Variants in ADAMTSL1 observed in about 807,000 individuals in gnomAD.
ADAMTSL1 encodes the protein ADAMTS like 1.
ADAMTSL1 carries 126 observed loss-of-function variants against 201.8 expected under a neutral mutation model. That is an observed-to-expected ratio of 0.62 (90% confidence interval 0.54 to 0.72). ADAMTSL1 has a LOEUF of 0.72. Ranked by LOEUF, ADAMTSL1 falls within the 30% of genes least tolerant of loss-of-function variation. ADAMTSL1 has a pLI of 0.00. For missense variants in ADAMTSL1, 2,679 were observed against 2,277.8 expected (o/e 1.18, Z -3.59); for synonymous variants, 1,121 against 903.4 (o/e 1.24, Z -4.32).
rs570599771 is a variant in ADAMTSL1, at chr9:18,729,919, C to G, written c.2006+8254C>G. On this transcript the variant is annotated intron_variant, in intron 15 of 28. Coordinates refer to ENST00000380548, the MANE Select transcript of ADAMTSL1 (RefSeq NM_001040272.6). ...ACCATGAGAATGGAAATATCACCAG[C>G]AGATAACTTTCTTCTGTGGATATGG... 2.7e-4 allele frequency among the ~76,000 whole-genome samples: 41 copies of G among 152,322 alleles called. 1 individual carries two copies. In the Middle Eastern group the frequency reaches 0.01, roughly 38 times the overall value.
intron 2 of ADAMTSL1, among the ~76,000 whole-genome samples, chr9:18,241,361 T>C (rs532668806): frequency 2.0e-5 from 3 of 152,278 alleles, no homozygotes; most frequent in African/African-American, 7.2e-5. Context: ...TTCTGGCTTC[T>C]CTTAATTTCA....
intron 15 of ADAMTSL1, among the ~76,000 whole-genome samples, chr9:18,742,798 T>C (rs1358805225): frequency 6.6e-6 from 1 of 152,164 alleles, no homozygotes; most frequent in African/African-American, 2.4e-5. Flanking sequence ...GTGAAGATGC[T>C]AATCAGTTAA....
chr9:18,040,416 G>T, intron 1 of ADAMTSL1, among the ~76,000 whole-genome samples: 1 of 152,136 alleles, frequency 6.6e-6, no homozygotes, highest in East Asian at 1.9e-4. Context: ...TGACTGGTTG[G>T]TTTTTCAACT....
At chr9:17,989,289 C>T (rs890445575) in intron 1 of ADAMTSL1, among the ~76,000 whole-genome samples, 3 of 151,004 alleles carry the variant, frequency 2.0e-5, no homozygotes, top group Admixed American at 2.0e-4. Flanking sequence ...GCAGATTGTA[C>T]TATATGTAAT....
At chr9:18,499,292 C>G (rs4607718) in intron 1 of ADAMTSL1, among the ~76,000 whole-genome samples, 14,899 of 152,266 alleles carry the variant, frequency 0.098, 1,103 homozygotes, top group East Asian at 0.37. Context: ...GAAAGTACAT[C>G]AAAAAGCTAA....
At chr9:18,870,047 A>G (rs1394677102) in intron 23 of ADAMTSL1, among the ~76,000 whole-genome samples, 2 of 151,880 alleles carry the variant, frequency 1.3e-5, no homozygotes, top group Non-Finnish European at 2.9e-5. Flanking sequence ...TAAATTTTTC[A>G]TTTCATTTTT....
chr9:18,323,833 C>A (rs1278460547), intron 2 of ADAMTSL1, among the ~76,000 whole-genome samples: 3 of 151,980 alleles, frequency 2.0e-5, no homozygotes, highest in Non-Finnish European at 4.4e-5. Context: ...ATCAAATAGG[C>A]CTAAATAAAT....
At chr9:18,595,351 G>T (rs1239436317) in intron 4 of ADAMTSL1, among the ~76,000 whole-genome samples, 2 of 152,212 alleles carry the variant, frequency 1.3e-5, no homozygotes, top group Admixed American at 1.3e-4. Context: ...TCACCCAGCA[G>T]GTCCCTGCAC....
At chr9:18,783,275 G>A (rs1461482042) in intron 19 of ADAMTSL1, among the ~76,000 whole-genome samples, 1 of 152,184 alleles carries the variant, frequency 6.6e-6, no homozygotes, top group African/African-American at 2.4e-5. Flanking sequence ...ACTCCAACTG[G>A]TAGAATACTT....
intron 1 of ADAMTSL1, among the ~76,000 whole-genome samples, chr9:18,138,678 C>A (rs11788086): frequency 6.6e-6 from 1 of 152,110 alleles, no homozygotes; most frequent in East Asian, 1.9e-4. Context: ...ACACAGTAAG[C>A]GAGTTCTAGG....
chr9:18,557,608 G>C (rs540805623), intron 3 of ADAMTSL1, among the ~76,000 whole-genome samples: 2 of 152,126 alleles, frequency 1.3e-5, no homozygotes, highest in African/African-American at 4.8e-5. Context: ...CAACCAAAAA[G>C]AAGTTAAGCC....
At chr9:18,315,751 C>G (rs1834363920) in intron 2 of ADAMTSL1, among the ~76,000 whole-genome samples, 1 of 152,218 alleles carries the variant, frequency 6.6e-6, no homozygotes, top group African/African-American at 2.4e-5. Context: ...TAGCTCCGGC[C>G]TCAGCCAACC....
intron 2 of ADAMTSL1, among the ~76,000 whole-genome samples, chr9:18,432,224 T>C (rs984527201): frequency 7.2e-5 from 11 of 152,170 alleles, no homozygotes; most frequent in Non-Finnish European, 1.3e-4. Flanking sequence ...CTGATGAAAA[T>C]GTTGATCAGA....
At chr9:18,053,697 A>G (rs1485508298) in intron 1 of ADAMTSL1, among the ~76,000 whole-genome samples, 1 of 152,216 alleles carries the variant, frequency 6.6e-6, no homozygotes, top group Non-Finnish European at 1.5e-5. Flanking sequence ...ACATTCATAT[A>G]TTAATTCTTT....
At chr9:18,319,042 CAACA>C (rs1834520525) in intron 2 of ADAMTSL1, among the ~76,000 whole-genome samples, 1 of 152,098 alleles carries the variant, frequency 6.6e-6, no homozygotes, top group South Asian at 2.1e-4. Flanking sequence ...GACCCCATCT[CAACA>C]AACAATTTTT....
intron 4 of ADAMTSL1, among the ~76,000 whole-genome samples, chr9:18,578,182 G>A (rs979213701): frequency 2.0e-5 from 3 of 152,148 alleles, no homozygotes; most frequent in South Asian, 2.1e-4. Flanking sequence ...TTCTAATTAT[G>A]CTCCTTACAT....
At chr9:18,072,337 TC>T (rs1223107116) in intron 1 of ADAMTSL1, among the ~76,000 whole-genome samples, 1 of 152,200 alleles carries the variant, frequency 6.6e-6, no homozygotes, top group Non-Finnish European at 1.5e-5. Flanking sequence ...AAGATGGCTG[TC>T]CAATGTGAGT....
At chr9:18,899,835 C>T (rs1471053911) in intron 26 of ADAMTSL1, among the ~76,000 whole-genome samples, 1 of 149,670 alleles carries the variant, frequency 6.7e-6, no homozygotes, top group East Asian at 2.0e-4. Context: ...ACTATAAAAA[C>T]CCTAGAAGAA....
At chr9:18,237,359 A>G (rs1286083407) in intron 2 of ADAMTSL1, among the ~76,000 whole-genome samples, 2 of 152,170 alleles carry the variant, frequency 1.3e-5, no homozygotes, top group Admixed American at 6.5e-5. Flanking sequence ...GAATGAATCA[A>G]TTCACTCTGT....
Sources: gnomAD v4.1 joint callset for allele counts (sites outside exome capture counted in the v4.1 genomes callset) on GRCh38, gnomAD v4.1.1 for gene constraint, MANE v1.5 for transcripts, NCBI Gene and HGNC (gene_info 2026-07-23, HGNC 2026-07-21) for gene names.